TSHZ3: variants seen among roughly 807,000 people sequenced by gnomAD.
The protein encoded by TSHZ3 is teashirt homolog 3.
A neutral mutation model predicts 64.5 loss-of-function variants in TSHZ3; 10 were observed. The ratio of observed to expected loss-of-function variants is 0.16; its 90% CI spans 0.10 to 0.26. The LOEUF (loss-of-function observed/expected upper bound fraction) is 0.26. TSHZ3 is among the 10% of genes least tolerant of loss of function. TSHZ3 has a pLI of 1.00. For missense variants in TSHZ3, 1,242 were observed against 1,421.7 expected (o/e 0.87, Z 2.03); for synonymous variants, 608 against 593.1 (o/e 1.03, Z -0.36).
chr19:31,165,812 G>T lies in TSHZ3; in HGVS notation n.810-9395C>A, dbSNP rs112738395. On this transcript the variant is annotated intron_variant and non_coding_transcript_variant, in intron 5 of 6. Transcript: ENST00000651361. ...CATAATTACATAAATCTCATCATGA[G>T]ACAATATACTTTTTATTTGTTTGAA... 2.6e-5 allele frequency among the ~76,000 whole-genome samples: 4 copies of T among 152,300 alleles called. 1 individual carries two copies. Among genetic ancestry groups the T allele is most frequent in the African/African-American group, 9.6e-5 (4 of 41,558 alleles).
In TSHZ3 at chr19:31,216,248, T is replaced by TG. The variant is rs893384459; in HGVS notation, n.687-11171dup. ...TCAAGAAATTCATTTTAGGCCTTTT[T>TG]GGGGGGGCTCCCAGCCCCCACCATG... On this transcript the variant is annotated intron_variant and non_coding_transcript_variant, in intron 4 of 6. Coordinates refer to the TSHZ3 transcript ENST00000651361. Among the ~76,000 whole-genome samples, 11 of 152,204 alleles carry TG rather than the reference T, an allele frequency of 7.2e-5. 1 individual carries two copies. The highest frequency in any genetic ancestry group is 2.6e-4 in the African/African-American group (11 of 41,550).
In TSHZ3 at chr19:31,277,458, G is replaced by A. The variant is rs764776359; in HGVS notation, c.2335C>T (p.Arg779Cys). The A allele has an allele frequency of 2.2e-5, 36 of 1,613,758 alleles. 2 individuals carry two copies. The South Asian group carries it at 3.2e-4, about 14-fold the overall frequency. ...TCGTTGTTGACGTGGTAGAAATAGC[G>A]GTCGAGGTGGTCTGCCTTCTTGGAC... ...LQSKKADHLD[R>C]YFYHVNNDQP... The change falls in exon 2 of 2, where the codon CGC (arginine) becomes TGC (cysteine). Residue 779 changes from arginine to cysteine, a missense_variant. Physicochemically the swap from Arg to Cys is radical, Grantham distance 180. Coordinates refer to ENST00000240587, the MANE Select transcript of TSHZ3 (RefSeq NM_020856.4). The surrounding 1 kb of genome is among the most constrained non-coding windows in gnomAD (Gnocchi z 4.5).
At chr19:31,261,622 G>C (rs1403843106) in intron 1 of TSHZ3, among the ~76,000 whole-genome samples, 1 of 152,160 alleles carries the variant, frequency 6.6e-6, no homozygotes, top group Non-Finnish European at 1.5e-5. Flanking sequence ...AGTTTCTATA[G>C]ATAGTGCGAC....
At chr19:31,200,586 C>T (rs1050076448) in intron 5 of TSHZ3, among the ~76,000 whole-genome samples, 10 of 152,192 alleles carry the variant, frequency 6.6e-5, no homozygotes, top group South Asian at 2.1e-4. Flanking sequence ...GGGAGGCAGG[C>T]GAACAGACGA....
Position 31,279,176 on chromosome 19 carries a change from G to A in TSHZ3, c.617C>T (p.Ser206Phe), listed in dbSNP as rs143214050. The A allele has an allele frequency of 6.2e-7, 1 of 1,613,154 alleles. No homozygotes were observed. The highest frequency in any genetic ancestry group is 8.5e-7 in the Non-Finnish European group (1 of 1,179,170). Residue 206 changes from serine to phenylalanine, a missense_variant, in exon 2 of 2, where the codon TCC becomes TTC. Coordinates refer to ENST00000240587, the MANE Select transcript of TSHZ3 (RefSeq NM_020856.4). This position sits in a 1 kb window ranked among gnomAD's most constrained non-coding sequence, Gnocchi z 6.4. ...LYRQSSKLYG[S>F]IFTGASKFRC... ...GAACTTGCTGGCCCCCGTGAAGATG[G>A]AGCCATAGAGCTTGCTGCTCTGCCG...
At position 31,331,388 on chromosome 19, in the gene TSHZ3, A is replaced by C. The variant is rs1037067017; in HGVS notation, c.40+17792T>G. Among the ~76,000 whole-genome samples, 53 of 152,124 alleles carry C rather than the reference A, an allele frequency of 3.5e-4. 3 individuals are homozygous for C. Among genetic ancestry groups the C allele is most frequent in the Non-Finnish European group, 4.4e-5 (3 of 68,032 alleles). On this transcript the variant is annotated intron_variant, in intron 1 of 1. Coordinates refer to ENST00000240587, the MANE Select transcript of TSHZ3 (RefSeq NM_020856.4). ...TTTTTGTCTTTGTCACTGATATTTC[A>C]GATCTGCTGCGAATTGCTGTTTTTT... is the stretch of plus-strand genomic sequence containing the variant.
intron 1 of TSHZ3, among the ~76,000 whole-genome samples, chr19:31,268,670 A>G (rs1399013651): frequency 2.6e-5 from 4 of 152,158 alleles, no homozygotes; most frequent in Non-Finnish European, 5.9e-5. Flanking sequence ...TAGTGAGGTG[A>G]GCTTGTGCCA....
At chr19:31,346,132 C>T (rs897878099) in intron 1 of TSHZ3, among the ~76,000 whole-genome samples, 1 of 152,188 alleles carries the variant, frequency 6.6e-6, no homozygotes, top group South Asian at 2.1e-4. Context: ...ATTCTTGGAG[C>T]CTGCTTCGGC....
chr19:31,176,067 G>C (rs989312277), intron 5 of TSHZ3, among the ~76,000 whole-genome samples: 1 of 152,240 alleles, frequency 6.6e-6, no homozygotes, highest in Non-Finnish European at 1.5e-5. Context: ...GAAGGAGGAG[G>C]AAGCCCTCTG....
chr19:31,298,366 C>G (rs1976697969), intron 1 of TSHZ3, among the ~76,000 whole-genome samples: 1 of 152,124 alleles, frequency 6.6e-6, no homozygotes, highest in Admixed American at 6.5e-5. Flanking sequence ...GAGGGCTCTG[C>G]ACAAGCCAGA....
chr19:31,283,343 T>C (rs1976399485), intron 1 of TSHZ3, among the ~76,000 whole-genome samples: 1 of 151,980 alleles, frequency 6.6e-6, no homozygotes, highest in African/African-American at 2.4e-5. Flanking sequence ...CAAAAATAAA[T>C]ACATAAAAAT....
chr19:31,211,267 C>T (rs1483836721), intron 4 of TSHZ3, among the ~76,000 whole-genome samples: 1 of 152,158 alleles, frequency 6.6e-6, no homozygotes, highest in African/African-American at 2.4e-5. Flanking sequence ...ATCTCAGATT[C>T]ATTCAACATG....
chr19:31,316,779 G>A (rs984207702), intron 1 of TSHZ3, among the ~76,000 whole-genome samples: 15 of 152,094 alleles, frequency 9.9e-5, no homozygotes, highest in African/African-American at 3.4e-4. Context: ...GAGAGAGAGA[G>A]AGAAGGAGAA....
chr19:31,280,423 G>C (rs1040031979), intron 1 of TSHZ3, among the ~76,000 whole-genome samples: 1 of 151,560 alleles, frequency 6.6e-6, no homozygotes, highest in Admixed American at 6.6e-5. Flanking sequence ...GTGTGGGTTC[G>C]TTCCAGTTGA....
At chr19:31,224,505 A>G (rs1319721217) in intron 4 of TSHZ3, among the ~76,000 whole-genome samples, 3 of 152,226 alleles carry the variant, frequency 2.0e-5, no homozygotes, top group Admixed American at 6.5e-5. Flanking sequence ...AACCACTCCA[A>G]TGATGTCTCC....
chr19:31,220,047 T>C lies in TSHZ3; in HGVS notation n.686+7958A>G, dbSNP rs540975204. Among the ~76,000 whole-genome samples, 134 of 152,248 alleles carry C rather than the reference T, an allele frequency of 8.8e-4. No individual in the cohort carries two copies. In the South Asian group the frequency reaches 0.012, roughly 14 times the overall value. ...TTTCTCCCACTACCCATTTACCTTG[T>C]CAAGGCCAAGGTGGATGGATGGTGG... On this transcript the variant is annotated intron_variant and non_coding_transcript_variant, in intron 4 of 6. Transcript: ENST00000651361.
chr19:31,312,518 G>A (rs956182700), intron 1 of TSHZ3, among the ~76,000 whole-genome samples: 1 of 152,090 alleles, frequency 6.6e-6, no homozygotes, highest in African/African-American at 2.4e-5. Flanking sequence ...GAACCCCTTG[G>A]CTTCCTAATG....
At chr19:31,297,110 C>A (rs1976676313) in intron 1 of TSHZ3, among the ~76,000 whole-genome samples, 1 of 152,180 alleles carries the variant, frequency 6.6e-6, no homozygotes, top group Non-Finnish European at 1.5e-5. Context: ...GGGTCTTGTC[C>A]CCCATTGTGG....
chr19:31,327,414 T>C (rs529692417), intron 1 of TSHZ3, among the ~76,000 whole-genome samples: 1 of 152,350 alleles, frequency 6.6e-6, no homozygotes, highest in East Asian at 1.9e-4. Context: ...CATGTCAGAA[T>C]AAATACCTGA....
Sources: gnomAD v4.1 joint callset for allele counts (sites outside exome capture counted in the v4.1 genomes callset) on GRCh38, gnomAD v4.1.1 for gene constraint, Gnocchi (gnomAD v3.1) non-coding constraint, MANE v1.5 for transcripts, NCBI Gene and HGNC (gene_info 2026-07-23, HGNC 2026-07-21) for gene names.